The following FMN1 variants were observed in gnomAD, a reference collection of about 807,000 sequenced individuals.
FMN1 encodes formin 1.
A neutral mutation model predicts 132.4 loss-of-function variants in FMN1; 110 were observed. The ratio of observed to expected loss-of-function variants is 0.83; its 90% confidence interval spans 0.71 to 0.97. The LOEUF is 0.97. FMN1 is among the 50% of genes least tolerant of loss of function. FMN1 has a pLI of 0.00. For synonymous variants in FMN1, 722 were observed against 651.7 expected, an observed-to-expected ratio of 1.11 and a Z score of -1.64; for missense variants, 1,792 against 1,705.3, an observed-to-expected ratio of 1.05 and a Z score of -0.90.
At position 33,051,526 on chromosome 15, in the gene FMN1, A is replaced by T. The variant is rs145911778; in HGVS notation, c.2161+13431T>A. Among the ~76,000 whole-genome samples, 1,173 of 152,192 alleles carry T rather than the reference A, an allele frequency of 7.7e-3. 21 individuals carry two copies. Among genetic ancestry groups the T allele is most frequent in the African/African-American group, 0.027 (1,125 of 41,502 alleles). ...CTAATAATTGGTCACACCTGGTGCC[A>T]GAGAAAGGCAGTCTCCCAATAGATA... On this transcript the variant is annotated intron_variant, in intron 6 of 20. Coordinates refer to ENST00000616417, the MANE Select transcript of FMN1 (RefSeq NM_001277313.2).
At chr15:33,113,225 T>G (rs1239411190) in intron 4 of FMN1, among the ~76,000 whole-genome samples, 1 of 146,522 alleles carries the variant, frequency 6.8e-6, no homozygotes, top group Non-Finnish European at 1.5e-5. Context: ...TTCTGACATA[T>G]TCTTACCTAA....
intron 3 of FMN1, among the ~76,000 whole-genome samples, chr15:33,162,724 T>C (rs1334854114): frequency 3.3e-5 from 5 of 152,158 alleles, no homozygotes; most frequent in Non-Finnish European, 5.9e-5. Context: ...AAAAGTAATG[T>C]CAGAACAGAT....
intron 17 of FMN1, among the ~76,000 whole-genome samples, chr15:32,832,160 C>T (rs1341640695): frequency 1.3e-5 from 2 of 152,172 alleles, no homozygotes; most frequent in African/African-American, 4.8e-5. Context: ...TTATTTCCAA[C>T]ATCTGACATG....
chr15:32,933,461 G>A (rs1175447912), intron 9 of FMN1, among the ~76,000 whole-genome samples: 1 of 151,432 alleles, frequency 6.6e-6, no homozygotes, highest in Non-Finnish European at 1.5e-5. Flanking sequence ...CCTGTTGGGT[G>A]GAATGGTCTA....
chr15:32,877,415 T>C (rs1292876553), intron 16 of FMN1, among the ~76,000 whole-genome samples: 4 of 152,212 alleles, frequency 2.6e-5, no homozygotes, highest in African/African-American at 9.7e-5. Flanking sequence ...AATTTGAAAG[T>C]TGACTTTTTA....
At chr15:32,954,743 C>G (rs186655796) in intron 9 of FMN1, among the ~76,000 whole-genome samples, 5 of 151,832 alleles carry the variant, frequency 3.3e-5, no homozygotes, top group African/African-American at 4.8e-5. Context: ...CGGAGGCTCA[C>G]GCCTGTAATC....
At chr15:33,116,123 T>C (rs1485514561) in intron 4 of FMN1, among the ~76,000 whole-genome samples, 4 of 152,322 alleles carry the variant, frequency 2.6e-5, no homozygotes, top group African/African-American at 9.6e-5. Flanking sequence ...GGCATTTGGA[T>C]AGTACTATGG....
intron 17 of FMN1, among the ~76,000 whole-genome samples, chr15:32,823,364 CGG>C (rs1400354178): frequency 4.0e-5 from 6 of 151,554 alleles, no homozygotes; most frequent in Non-Finnish European, 7.4e-5. Flanking sequence ...CAGGGTTTCA[CGG>C]TGTTAGCCAG....
At chr15:32,963,107 T>C (rs1213793667) in intron 9 of FMN1, among the ~76,000 whole-genome samples, 12 of 149,332 alleles carry the variant, frequency 8.0e-5, no homozygotes, top group Admixed American at 2.7e-4. Flanking sequence ...TGCCCAACAA[T>C]GATAGACTGG....
intron 9 of FMN1, among the ~76,000 whole-genome samples, chr15:32,942,849 A>T (rs1403938277): frequency 6.6e-6 from 1 of 152,188 alleles, no homozygotes; most frequent in Admixed American, 6.5e-5. Context: ...ACTTCAGGGA[A>T]CTAAGGGCAT....
intron 3 of FMN1, among the ~76,000 whole-genome samples, chr15:33,168,938 T>C (rs967527820): frequency 2.0e-5 from 3 of 152,196 alleles, no homozygotes; most frequent in African/African-American, 7.2e-5. Flanking sequence ...GGATGAACAA[T>C]ACACAGCTTC....
At chr15:33,072,813 C>CTTGGGAGGCTGAG (rs911963802) in intron 5 of FMN1, among the ~76,000 whole-genome samples, 9 of 151,758 alleles carry the variant, frequency 5.9e-5, no homozygotes, top group Non-Finnish European at 1.3e-4. Flanking sequence ...ATCCCATCTA[C>CTTGGGAGGCTGAG]TTGGGAGGCT....
At chr15:33,079,942 A>G (rs550487632) in intron 5 of FMN1, among the ~76,000 whole-genome samples, 1 of 152,174 alleles carries the variant, frequency 6.6e-6, no homozygotes, top group Non-Finnish European at 1.5e-5. Flanking sequence ...TCATCTGGAT[A>G]ATTTCTTGAT....
chr15:33,125,023 A>G (rs912693098), intron 4 of FMN1, among the ~76,000 whole-genome samples: 1 of 152,062 alleles, frequency 6.6e-6, no homozygotes, highest in Non-Finnish European at 1.5e-5. Flanking sequence ...TCTCGCATCC[A>G]TGTCTACTCT....
At chr15:32,940,134 A>G (rs1315640017) in intron 9 of FMN1, among the ~76,000 whole-genome samples, 1 of 152,180 alleles carries the variant, frequency 6.6e-6, no homozygotes, top group Non-Finnish European at 1.5e-5. Context: ...GCCATAAACT[A>G]CAACAGTCCT....
At chr15:32,919,619 T>C (rs182270553) in intron 10 of FMN1, among the ~76,000 whole-genome samples, 3 of 152,228 alleles carry the variant, frequency 2.0e-5, no homozygotes, top group Admixed American at 2.0e-4. Flanking sequence ...CCTACACTTA[T>C]ATTTTAGAAA....
rs188328914 is a variant in FMN1, at chr15:32,925,981, T to C, written c.3226+193A>G. 2.5e-3 allele frequency among the ~76,000 whole-genome samples: 378 copies of C among 152,312 alleles called. 1 individual carries two copies. The highest frequency in any genetic ancestry group is 4.2e-3 in the Non-Finnish European group (286 of 68,016). On this transcript the variant is annotated intron_variant, in intron 10 of 20. Coordinates refer to ENST00000616417, the MANE Select transcript of FMN1 (RefSeq NM_001277313.2). ...GATGACTTATAAAGCATCTGAAATT[T>C]GCTTCATAACCTACTTGGTGAGAGG...
chr15:32,790,148 A>G (rs76190391), intron 19 of FMN1, among the ~76,000 whole-genome samples: 1 of 152,188 alleles, frequency 6.6e-6, no homozygotes, highest in South Asian at 2.1e-4. Context: ...GAAGCACAGA[A>G]AAGAAGGCAG....
At chr15:33,173,734 G>A (rs1447384038) in intron 3 of FMN1, among the ~76,000 whole-genome samples, 2 of 152,210 alleles carry the variant, frequency 1.3e-5, no homozygotes, top group Non-Finnish European at 1.5e-5. Context: ...TTCCAGATCA[G>A]CCTGGACAAC....
Sources: allele counts gnomAD v4.1 joint callset (sites outside exome capture counted in the v4.1 genomes callset), GRCh38; gene constraint gnomAD v4.1.1; transcripts MANE v1.5; gene names NCBI Gene and HGNC (gene_info 2026-07-23, HGNC 2026-07-21).